Variants in AGBL4 observed in about 807,000 individuals in gnomAD.
AGBL4 encodes the protein AGBL carboxypeptidase 4.
In AGBL4, 58 loss-of-function variants were observed where a neutral mutation model predicts 66.4. That is an observed-to-expected ratio of 0.87 (90% CI 0.71 to 1.09). The LOEUF is 1.09. Ranked by LOEUF, AGBL4 falls within the 50% of genes least tolerant of loss-of-function variation. AGBL4 has a pLI of 0.00. For missense variants in AGBL4, 579 were observed against 631.0 expected (o/e 0.92, Z 0.88); for synonymous variants, 234 against 222.9 (o/e 1.05, Z -0.44).
At chr1:48,668,394 T>C (rs773486658) in intron 6 of AGBL4, among the ~76,000 whole-genome samples, 3 of 148,120 alleles carry the variant, frequency 2.0e-5, no homozygotes, top group Non-Finnish European at 4.5e-5. Context: ...TCAGCAGTGC[T>C]CTATTGTTTG....
chr1:49,653,675 A>G (rs1646055173), intron 3 of AGBL4, among the ~76,000 whole-genome samples: 2 of 151,780 alleles, frequency 1.3e-5, no homozygotes, highest in South Asian at 4.2e-4. Context: ...TTCACAATGC[A>G]AACACAAGTA....
chr1:49,331,187 C>G (rs1484774164), intron 3 of AGBL4, among the ~76,000 whole-genome samples: 1 of 152,116 alleles, frequency 6.6e-6, no homozygotes, highest in Non-Finnish European at 1.5e-5. Flanking sequence ...TACTCCTACC[C>G]CAGGACCCCA....
intron 3 of AGBL4, among the ~76,000 whole-genome samples, chr1:49,634,723 C>T (rs1289847481): frequency 6.6e-6 from 1 of 152,166 alleles, no homozygotes; most frequent in Non-Finnish European, 1.5e-5. Context: ...TCTCTAGCAT[C>T]TGTTGTTTCC....
intron 7 of AGBL4, among the ~76,000 whole-genome samples, chr1:48,655,710 T>C (rs1411412645): frequency 6.6e-6 from 1 of 152,176 alleles, no homozygotes; most frequent in African/African-American, 2.4e-5. Context: ...GGATTAGTTT[T>C]AGAAGTAGGT....
At chr1:49,766,811 TTAAAC>T (rs1488551112) in intron 2 of AGBL4, among the ~76,000 whole-genome samples, 1 of 151,876 alleles carries the variant, frequency 6.6e-6, no homozygotes, top group African/African-American at 2.4e-5. Flanking sequence ...AAAATAGACT[TTAAAC>T]TAAAAATAGT....
At chr1:49,664,395 A>G (rs975264397) in intron 3 of AGBL4, among the ~76,000 whole-genome samples, 2 of 152,098 alleles carry the variant, frequency 1.3e-5, no homozygotes, top group Non-Finnish European at 2.9e-5. Flanking sequence ...TGAATAGAAC[A>G]CATATACATA....
At chr1:48,921,434 C>T (rs531697731) in intron 5 of AGBL4, among the ~76,000 whole-genome samples, 1 of 152,022 alleles carries the variant, frequency 6.6e-6, no homozygotes, top group Non-Finnish European at 1.5e-5. Flanking sequence ...TAAAGCGATA[C>T]GGTAGGTAAT....
At chr1:48,798,192 C>G (rs942615817) in intron 6 of AGBL4, among the ~76,000 whole-genome samples, 5 of 152,246 alleles carry the variant, frequency 3.3e-5, no homozygotes, top group African/African-American at 1.2e-4. Flanking sequence ...AAGGTGGTAT[C>G]TCATTGTGGC....
chr1:48,914,657 A>T (rs936101708), intron 5 of AGBL4, among the ~76,000 whole-genome samples: 2 of 152,188 alleles, frequency 1.3e-5, no homozygotes, highest in African/African-American at 2.4e-5. Context: ...ATGTCCTAGA[A>T]GCCTTGTGAG....
chr1:49,922,842 T>C (rs1174608570), intron 1 of AGBL4, among the ~76,000 whole-genome samples: 1 of 152,204 alleles, frequency 6.6e-6, no homozygotes, highest in Non-Finnish European at 1.5e-5. Flanking sequence ...AAGCATTACA[T>C]GCTCATGGAT....
intron 3 of AGBL4, among the ~76,000 whole-genome samples, chr1:49,608,669 T>C (rs1558097299): frequency 1.3e-5 from 2 of 152,164 alleles, no homozygotes; most frequent in African/African-American, 4.8e-5. Flanking sequence ...CCTTTTGACA[T>C]CTGTTTTGCA....
intron 4 of AGBL4, among the ~76,000 whole-genome samples, chr1:49,104,281 C>A (rs1645254667): frequency 6.6e-6 from 1 of 152,148 alleles, no homozygotes; most frequent in African/African-American, 2.4e-5. Flanking sequence ...TTTTAAGTCA[C>A]ATTTTAATTT....
chr1:49,228,043 C>T (rs879782229), intron 4 of AGBL4, among the ~76,000 whole-genome samples: 3 of 152,152 alleles, frequency 2.0e-5, no homozygotes, highest in South Asian at 2.1e-4. Context: ...TGGCATTTAT[C>T]GTCTTAGATT....
chr1:49,114,339 A>T (rs1185977990), intron 4 of AGBL4, among the ~76,000 whole-genome samples: 1 of 152,168 alleles, frequency 6.6e-6, no homozygotes, highest in Non-Finnish European at 1.5e-5. Flanking sequence ...CACCTTCTTC[A>T]TCCTTCTCAG....
intron 6 of AGBL4, among the ~76,000 whole-genome samples, chr1:48,767,126 G>C (rs1644570051): frequency 6.6e-6 from 1 of 152,168 alleles, no homozygotes; most frequent in South Asian, 2.1e-4. Flanking sequence ...CCAGTATCTA[G>C]CAAAAACAGT....
intron 5 of AGBL4, among the ~76,000 whole-genome samples, chr1:48,901,532 C>T (rs953329304): frequency 5.3e-5 from 8 of 151,908 alleles, no homozygotes; most frequent in African/African-American, 1.7e-4. Context: ...AAATACTACT[C>T]GACAATAAAA....
chr1:48,818,172 G>C (rs1020482404), intron 6 of AGBL4: 1 of 716,840 alleles, frequency 1.4e-6, no homozygotes, highest in African/African-American at 1.7e-5. Context: ...AATTTGGAAA[G>C]GCCACCATTC....
chr1:49,041,840 A>G (rs1643950251), intron 5 of AGBL4, among the ~76,000 whole-genome samples: 1 of 152,024 alleles, frequency 6.6e-6, no homozygotes, highest in African/African-American at 2.4e-5. Context: ...TGAATTTCCT[A>G]TTCCAATCAC....
intron 2 of AGBL4, among the ~76,000 whole-genome samples, chr1:49,721,385 G>A (rs1648597166): frequency 6.6e-6 from 1 of 152,088 alleles, no homozygotes; most frequent in African/African-American, 2.4e-5. Flanking sequence ...CACTGTGAAG[G>A]TCGAAGGCTT....
Sources: gnomAD v4.1 joint callset for allele counts (sites outside exome capture counted in the v4.1 genomes callset) on GRCh38, gnomAD v4.1.1 for gene constraint, MANE v1.5 for transcripts, NCBI Gene and HGNC (gene_info 2026-07-23, HGNC 2026-07-21) for gene names.